Variants in WNT9B observed in about 807,000 individuals in gnomAD.
WNT9B encodes the protein Wnt family member 9B, also known as protein Wnt-9b.
In WNT9B, 12 loss-of-function variants were observed where a neutral mutation model predicts 30.2. The observed-to-expected ratio is 0.40, with a 90% confidence interval of 0.26 to 0.64. The LOEUF is 0.64. WNT9B is among the 30% of genes least tolerant of loss of function. The pLI is 0.42. For synonymous variants in WNT9B, 218 were observed against 216.9 expected (o/e 1.01, Z -0.05); for missense variants, 442 against 485.2 (o/e 0.91, Z 0.84).
chr17:46,849,415 C>T (rs569469056), upstream of WNT9B, among the ~76,000 whole-genome samples: 2 of 152,350 alleles, frequency 1.3e-5, no homozygotes, highest in African/African-American at 4.8e-5. Context: ...GCTGGGCAGC[C>T]TGAGCTGAAC....
chr17:46,836,196 T>C (rs2084630440), intron 1 of WNT9B, among the ~76,000 whole-genome samples: 1 of 151,122 alleles, frequency 6.6e-6, no homozygotes, highest in African/African-American at 2.4e-5. Context: ...AAAATTCGCC[T>C]GATATTGAAC....
chr17:46,884,389 C>G (rs1417422023), downstream of WNT9B, among the ~76,000 whole-genome samples: 1 of 152,258 alleles, frequency 6.6e-6, no homozygotes, highest in Non-Finnish European at 1.5e-5. Flanking sequence ...ACCCAGCCCC[C>G]TCTCCAAGTT....
At position 46,875,349 on chromosome 17, in the gene WNT9B, A is replaced by G. The variant is rs770639789; in HGVS notation, c.583A>G (p.Thr195Ala). ...DLRARADAHNTHVGIKAVKSG... is the reference protein window; with the variant it reads ...DLRARADAHNAHVGIKAVKSG... ...GCGGGCACGGGCAGACGCCCACAAT[A>G]CCCACGTGGGCATCAAGGTGAGCAT... Residue 195 changes from threonine (T) to alanine (A), a missense_variant, in exon 3 of 4, where the codon ACC becomes GCC. Coordinates refer to ENST00000290015, the MANE Select transcript of WNT9B (RefSeq NM_003396.3). 6.2e-7 allele frequency: 1 copy of G among 1,606,084 alleles called. No homozygotes were observed. Among genetic ancestry groups the G allele is most frequent in the Non-Finnish European group, 8.5e-7 (1 of 1,174,564 alleles).
chr17:46,842,979 A>T (rs1048356283), intron 1 of WNT9B, among the ~76,000 whole-genome samples: 3 of 152,204 alleles, frequency 2.0e-5, no homozygotes, highest in Non-Finnish European at 4.4e-5. Flanking sequence ...ATTTTAAGTT[A>T]GGACCCAGGG....
At chr17:46,886,391 A>C (rs1287623690) in exon 5 of WNT9B, 1 of 152,254 alleles carries the variant, frequency 6.6e-6, no homozygotes, top group African/African-American at 2.4e-5. Context: ...GGAGGCCATT[A>C]GTTTGTACTG....
At chr17:46,837,781 T>A (rs893915655) in intron 1 of WNT9B, among the ~76,000 whole-genome samples, 1 of 152,340 alleles carries the variant, frequency 6.6e-6, no homozygotes, top group Non-Finnish European at 1.5e-5. Flanking sequence ...ACCTGGTATA[T>A]GCCTTCAGGG....
intron 3 of WNT9B, 53 bp from the exon 4 acceptor site, chr17:46,876,192 C>T (rs568242977): frequency 9.3e-6 from 14 of 1,508,820 alleles, no homozygotes; most frequent in African/African-American, 5.5e-5. Flanking sequence ...GGGGCAGGCT[C>T]TGGCTGCTGG....
chr17:46,844,149 G>A (rs1265691366), intron 1 of WNT9B, among the ~76,000 whole-genome samples: 1 of 151,814 alleles, frequency 6.6e-6, no homozygotes, highest in Non-Finnish European at 1.5e-5. Context: ...TATTAGCAGG[G>A]TCTCACTGTG....
chr17:46,870,771 A>G (rs1369908805), intron 1 of WNT9B, among the ~76,000 whole-genome samples: 1 of 152,218 alleles, frequency 6.6e-6, no homozygotes, highest in Non-Finnish European at 1.5e-5. Context: ...CCCTTGGCTC[A>G]GAGGAACATG....
chr17:46,839,522 TTA>T (rs757322716), intron 1 of WNT9B, among the ~76,000 whole-genome samples: 7 of 151,478 alleles, frequency 4.6e-5, no homozygotes, highest in African/African-American at 1.2e-4. Flanking sequence ...TGTAAATTCT[TTA>T]TATATATATA....
At chr17:46,851,492 C>CG, upstream of WNT9B, 2 of 369,940 alleles carry the variant, frequency 5.4e-6, no homozygotes, top group Non-Finnish European at 9.3e-6. This position sits in a 1 kb window ranked among gnomAD's most constrained non-coding sequence, Gnocchi z 4.3. Flanking sequence ...GCTCGCCGCC[C>CG]GGGGCTGGGG....
At chr17:46,842,583 A>T (rs1419648622) in intron 1 of WNT9B, among the ~76,000 whole-genome samples, 1 of 152,080 alleles carries the variant, frequency 6.6e-6, no homozygotes, top group Non-Finnish European at 1.5e-5. Context: ...TGGTGCCCAG[A>T]GCTGGTCTCG....
intron 1 of WNT9B, among the ~76,000 whole-genome samples, chr17:46,863,749 A>G (rs2085083117): frequency 6.6e-6 from 1 of 152,046 alleles, no homozygotes; most frequent in African/African-American, 2.4e-5. Flanking sequence ...AGGACAAGGG[A>G]GAGACTAGCC....
In WNT9B at chr17:46,879,091, A is replaced by G. The variant is rs934744392; in HGVS notation, c.*2373A>G. On this transcript the variant is annotated 3_prime_UTR_variant, in exon 4 of 4. Coordinates refer to ENST00000290015, the MANE Select transcript of WNT9B (RefSeq NM_003396.3). Reference sequence around the variant, plus strand: ...CAGGGTATTTTTGTCTACCTCAAATATATAGTTTTTAGAGCAAAGGAGAAT... The same window carrying G: ...CAGGGTATTTTTGTCTACCTCAAATGTATAGTTTTTAGAGCAAAGGAGAAT... Among the ~76,000 whole-genome samples, 1 of 152,224 alleles carries G rather than the reference A, an allele frequency of 6.6e-6. No homozygotes were observed. The highest frequency in any genetic ancestry group is 2.4e-5 in the African/African-American group (1 of 41,450).
At chr17:46,847,247 C>T (rs1053480229), upstream of WNT9B, among the ~76,000 whole-genome samples, 4 of 152,212 alleles carry the variant, frequency 2.6e-5, no homozygotes, top group Admixed American at 1.3e-4. Flanking sequence ...CCCACTTTCC[C>T]CACTTAGCTT....
intron 1 of WNT9B, among the ~76,000 whole-genome samples, chr17:46,866,087 G>A (rs1568126294): frequency 6.6e-6 from 1 of 152,200 alleles, no homozygotes; most frequent in African/African-American, 2.4e-5. Flanking sequence ...GGAGGTGCAA[G>A]GTGGCATTGG....
chr17:46,875,164 G>T lies in WNT9B; in HGVS notation c.398G>T (p.Arg133Leu), dbSNP rs554846731. The change falls in exon 3 of 4, where the codon CGG (arginine) becomes CTG (leucine). Residue 133 changes from arginine (R) to leucine (L), a missense_variant. Physicochemically the swap from Arg to Leu is moderately radical, Grantham distance 102. Transcript: ENST00000290015. ...SSAALTHTLA[R>L]ACSAGRMERC... ...GCCGCCCTCACCCACACCCTGGCCC[G>T]GGCCTGCAGCGCTGGGCGCATGGAG... 23 of 1,614,002 alleles carry T rather than the reference G, an allele frequency of 1.4e-5. No homozygotes were observed. The Admixed American group carries it at 3.5e-4, about 25-fold the overall frequency.
intron 1 of WNT9B, among the ~76,000 whole-genome samples, chr17:46,839,912 T>TTTTTTC (rs2084679577): frequency 8.8e-6 from 1 of 113,332 alleles, no homozygotes; most frequent in Non-Finnish European, 1.8e-5. Flanking sequence ...ACATTTTCTC[T>TTTTTTC]TTTCTTTCTT....
chr17:46,837,508 T>A (rs1170955265), intron 1 of WNT9B, among the ~76,000 whole-genome samples: 1 of 152,284 alleles, frequency 6.6e-6, no homozygotes. Context: ...TAGAACCCCA[T>A]GCAAGAGCTG....
Sources: gnomAD v4.1 joint callset for allele counts (sites outside exome capture counted in the v4.1 genomes callset) on GRCh38, gnomAD v4.1.1 for gene constraint, Gnocchi (gnomAD v3.1) non-coding constraint, MANE v1.5 for transcripts, NCBI Gene and HGNC (gene_info 2026-07-23, HGNC 2026-07-21) for gene names.